GABRB2: variants seen among roughly 807,000 people sequenced by gnomAD.
The protein encoded by GABRB2 is gamma-aminobutyric acid receptor subunit beta-2.
A neutral mutation model predicts 54.7 loss-of-function variants in GABRB2; 16 were observed. That is an observed-to-expected ratio of 0.29 (90% CI 0.20 to 0.44). The LOEUF is 0.44. GABRB2 is among the 20% of genes least tolerant of loss of function. The pLI is 1.00. For synonymous variants in GABRB2, 244 were observed against 233.8 expected (o/e 1.04, Z -0.40); for missense variants, 355 against 644.0 (o/e 0.55, Z 4.86).
At chr5:161,296,700 G>T (rs956921772) in intron 9 of GABRB2, among the ~76,000 whole-genome samples, 1 of 152,126 alleles carries the variant, frequency 6.6e-6, no homozygotes. Context: ...TGTGTGTTTG[G>T]CCCTATGCCA....
chr5:161,519,578 A>G (rs1232002394), intron 3 of GABRB2, among the ~76,000 whole-genome samples: 2 of 152,162 alleles, frequency 1.3e-5, no homozygotes, highest in Non-Finnish European at 2.9e-5. Context: ...GAAATTCATT[A>G]AAGAACCTTG....
At chr5:161,444,671 G>A (rs1160322392) in intron 4 of GABRB2, among the ~76,000 whole-genome samples, 1 of 152,100 alleles carries the variant, frequency 6.6e-6, no homozygotes, top group Non-Finnish European at 1.5e-5. Context: ...CTTATCAGCT[G>A]TTGAAATTGA....
chr5:161,428,761 T>C (rs1757085206), intron 4 of GABRB2, among the ~76,000 whole-genome samples: 1 of 152,242 alleles, frequency 6.6e-6, no homozygotes, highest in South Asian at 2.1e-4. Flanking sequence ...CTTAAGGACC[T>C]TAAAATCAAA....
rs560642356 is a variant in GABRB2 at position 161,508,655 on chromosome 5, C to T, written c.237+36572G>A. Among the ~76,000 whole-genome samples the T allele has an allele frequency of 7.8e-4, 118 of 151,992 alleles. 1 individual carries two copies. The highest frequency in any genetic ancestry group is 1.7e-3 in the East Asian group (9 of 5,174). The stretch of plus-strand genomic sequence containing the variant: ...AAAATAAACTGTCCAGTTTTCTAAA[C>T]GGAAAAAAGACTGAGTCTGTGGTTT... On this transcript the variant is annotated intron_variant, in intron 3 of 9. Coordinates refer to ENST00000393959, the MANE Select transcript of GABRB2 (RefSeq NM_001371727.1).
intron 3 of GABRB2, among the ~76,000 whole-genome samples, chr5:161,534,593 G>A (rs1760572275): frequency 1.3e-5 from 2 of 152,102 alleles, no homozygotes; most frequent in Admixed American, 1.3e-4. Context: ...CTTCACACTA[G>A]AGTCAAGTCA....
At chr5:161,497,514 GT>G (rs1331114744) in intron 3 of GABRB2, among the ~76,000 whole-genome samples, 31 of 130,594 alleles carry the variant, frequency 2.4e-4, no homozygotes, top group Non-Finnish European at 2.7e-4. Context: ...GACTTTGTGT[GT>G]GTGAGTGTGT....
At chr5:161,324,391 T>A (rs974195578) in intron 9 of GABRB2, among the ~76,000 whole-genome samples, 1 of 152,124 alleles carries the variant, frequency 6.6e-6, no homozygotes, top group Non-Finnish European at 1.5e-5. Flanking sequence ...CCTGGCACCA[T>A]CTCCAGAATA....
At chr5:161,306,774 A>G (rs1377616211) in intron 9 of GABRB2, among the ~76,000 whole-genome samples, 1 of 151,994 alleles carries the variant, frequency 6.6e-6, no homozygotes, top group African/African-American at 2.4e-5. Context: ...CTCAACTAGC[A>G]TTGGATCTAG....
chr5:161,488,118 A>G (rs12153198), intron 3 of GABRB2, among the ~76,000 whole-genome samples: 31,045 of 151,782 alleles, frequency 0.2, 3,610 homozygotes, highest in Non-Finnish European at 0.27. Flanking sequence ...GTCTTTTAGT[A>G]GGATTACTGC....
At chr5:161,545,419 A>G (rs1395604298) in intron 2 of GABRB2, 125 bp from the exon 3 acceptor site, 1 of 455,142 alleles carries the variant, frequency 2.2e-6, no homozygotes, top group Non-Finnish European at 3.6e-6. Flanking sequence ...AAATTTTTCA[A>G]TTCTCTGCTT....
chr5:161,415,547 T>C (rs1249342755), intron 4 of GABRB2, among the ~76,000 whole-genome samples: 4 of 152,224 alleles, frequency 2.6e-5, no homozygotes, highest in African/African-American at 9.6e-5. Flanking sequence ...AAATATTTTA[T>C]AGTGTCATTA....
intron 3 of GABRB2, among the ~76,000 whole-genome samples, chr5:161,481,425 G>A (rs572280911): frequency 5.7e-4 from 86 of 152,108 alleles, no homozygotes; most frequent in Non-Finnish European, 8.7e-4. Flanking sequence ...CAGAGGTACC[G>A]GGACCGTATA....
rs111729750 is a variant in GABRB2 at position 161,516,080 on chromosome 5, A to G, written c.237+29147T>C. On this transcript the variant is annotated intron_variant, in intron 3 of 9. Coordinates refer to ENST00000393959, the MANE Select transcript of GABRB2 (RefSeq NM_001371727.1). ...GAGTCTTCACTCTGACATTTACTAC[A>G]TAAGTATTTTACTTTATCTCTCACC... Among the ~76,000 whole-genome samples the G allele has an allele frequency of 1.1e-3, 175 of 152,334 alleles. 1 individual carries two copies. Among genetic ancestry groups the G allele is most frequent in the African/African-American group, 3.8e-3 (158 of 41,578 alleles).
chr5:161,494,408 C>T (rs1014449410), intron 3 of GABRB2, among the ~76,000 whole-genome samples: 1 of 151,778 alleles, frequency 6.6e-6, no homozygotes, highest in Non-Finnish European at 1.5e-5. Flanking sequence ...TTTTCTCCTG[C>T]TGTCCTAGCT....
At chr5:161,432,633 A>G (rs906940800) in intron 4 of GABRB2, among the ~76,000 whole-genome samples, 1 of 152,194 alleles carries the variant, frequency 6.6e-6, no homozygotes, top group Non-Finnish European at 1.5e-5. Context: ...AACAGTTTAA[A>G]ACTTTTTATT....
At chr5:161,500,649 A>G (rs548556600) in intron 3 of GABRB2, among the ~76,000 whole-genome samples, 47 of 152,268 alleles carry the variant, frequency 3.1e-4, no homozygotes, top group African/African-American at 1.1e-3. Flanking sequence ...ATAGACCCAT[A>G]TGTAAAATAT....
At chr5:161,303,717 C>T (rs1011773288) in intron 9 of GABRB2, among the ~76,000 whole-genome samples, 3 of 152,160 alleles carry the variant, frequency 2.0e-5, no homozygotes, top group Admixed American at 6.5e-5. Flanking sequence ...ACTGACACCC[C>T]TTTGCCTTAT....
At chr5:161,313,326 C>A (rs1241266845) in intron 9 of GABRB2, among the ~76,000 whole-genome samples, 1 of 152,034 alleles carries the variant, frequency 6.6e-6, no homozygotes, top group African/African-American at 2.4e-5. Context: ...CTATGGTAGA[C>A]ACATACATTC....
intron 3 of GABRB2, among the ~76,000 whole-genome samples, chr5:161,477,280 A>G (rs1758621479): frequency 1.6e-5 from 1 of 64,084 alleles, no homozygotes; most frequent in Non-Finnish European, 2.9e-5. Flanking sequence ...CAAACAAACA[A>G]AAGCAAAAAA....
Sources: allele counts gnomAD v4.1 joint callset (sites outside exome capture counted in the v4.1 genomes callset), GRCh38; gene constraint gnomAD v4.1.1; transcripts MANE v1.5; gene names NCBI Gene and HGNC (gene_info 2026-07-23, HGNC 2026-07-21).